The following CD163L1 variants were observed in gnomAD, a reference collection of about 807,000 sequenced individuals.
CD163L1 encodes scavenger receptor cysteine-rich type 1 protein M160.
A neutral mutation model predicts 165.4 loss-of-function variants in CD163L1; 124 were observed. That is an observed-to-expected ratio of 0.75 (90% CI 0.65 to 0.87). CD163L1 has a LOEUF of 0.87. CD163L1 is among the 40% of genes least tolerant of loss of function. CD163L1 has a pLI of 0.00. For missense variants in CD163L1, 1,525 were observed against 1,799.9 expected (o/e 0.85, Z 2.76); for synonymous variants, 585 against 662.2 (o/e 0.88, Z 1.79).
intron 6 of CD163L1, among the ~76,000 whole-genome samples, chr12:7,399,195 T>A (rs1947849478): frequency 6.6e-6 from 1 of 151,318 alleles, no homozygotes; most frequent in Non-Finnish European, 1.5e-5. Flanking sequence ...TTCTTTTCCT[T>A]TTCTTCTTTC....
intron 18 of CD163L1, among the ~76,000 whole-genome samples, chr12:7,358,730 A>T (rs1946829205): frequency 6.6e-6 from 1 of 152,162 alleles, no homozygotes; most frequent in South Asian, 2.1e-4. Context: ...GACAAAAAAC[A>T]GAGTCTGAAG....
At chr12:7,322,600 T>C in the CD163L1 span, 1 of 1,543,846 alleles carries the variant, frequency 6.5e-7, no homozygotes, top group South Asian at 1.3e-5. Context: ...CCCAGGTTTT[T>C]CAACTGAGCC....
At chr12:7,412,953 A>G (rs1437086452) in intron 4 of CD163L1, among the ~76,000 whole-genome samples, 1 of 151,732 alleles carries the variant, frequency 6.6e-6, no homozygotes, top group East Asian at 1.9e-4. Context: ...AAAATTAGCC[A>G]GGCATGGTGG....
At chr12:7,342,258 A>G (rs1946642265), downstream of CD163L1, among the ~76,000 whole-genome samples, 1 of 152,208 alleles carries the variant, frequency 6.6e-6, no homozygotes, top group South Asian at 2.1e-4. Context: ...CAGCTGACCC[A>G]CCCAGGGTGG....
the CD163L1 span, chr12:7,320,785 G>C: frequency 6.2e-7 from 1 of 1,613,328 alleles, no homozygotes; most frequent in Non-Finnish European, 8.5e-7. Context: ...CCGGATGCTC[G>C]TGCAAAAAGA....
intron 2 of CD163L1, chr12:7,439,816 A>C (rs902188090): frequency 1.2e-6 from 2 of 1,613,682 alleles, no homozygotes; most frequent in Non-Finnish European, 1.7e-6. Context: ...CACCTCGAAC[A>C]CATCCTCTCC....
chr12:7,440,451 T>C (rs1275960377), intron 2 of CD163L1, among the ~76,000 whole-genome samples: 2 of 151,722 alleles, frequency 1.3e-5, no homozygotes, highest in Non-Finnish European at 2.9e-5. Flanking sequence ...GAATTCATCT[T>C]TTTATGGCTG....
At chr12:7,378,365 C>A (rs1418754136) in intron 9 of CD163L1, among the ~76,000 whole-genome samples, 1 of 151,934 alleles carries the variant, frequency 6.6e-6, no homozygotes, top group African/African-American at 2.4e-5. Context: ...ACACACACAC[C>A]CCACACTGCA....
chr12:7,392,117 A>G (rs992072983), intron 8 of CD163L1, among the ~76,000 whole-genome samples: 24 of 152,122 alleles, frequency 1.6e-4, no homozygotes, highest in Non-Finnish European at 5.9e-5. Flanking sequence ...TCAACAGAAT[A>G]TATATTCTTC....
At chr12:7,392,791 AC>A (rs1486697595) in intron 8 of CD163L1, among the ~76,000 whole-genome samples, 5 of 152,148 alleles carry the variant, frequency 3.3e-5, no homozygotes, top group African/African-American at 1.2e-4. Flanking sequence ...CACTATAAAC[AC>A]CTCTACGCAA....
chr12:7,393,213 G>A (rs1947695988), intron 8 of CD163L1, among the ~76,000 whole-genome samples: 2 of 152,130 alleles, frequency 1.3e-5, no homozygotes, highest in African/African-American at 4.8e-5. Flanking sequence ...ACATCAAAAA[G>A]CCTATCCACC....
At chr12:7,427,008 C>T (rs1220419505) in intron 4 of CD163L1, among the ~76,000 whole-genome samples, 1 of 151,750 alleles carries the variant, frequency 6.6e-6, no homozygotes, top group Non-Finnish European at 1.5e-5. Context: ...GAGGATATAA[C>T]AAGAAAAAAT....
rs988629663 is a variant in CD163L1, at chr12:7,372,828, A to G, written c.3730+492T>C. ...TATTTATAATTGTACAATTTCTAAA[A>G]TCTCTACAATAAACATATTAAATTT... On this transcript the variant is annotated intron_variant, in intron 14 of 19. Transcript: ENST00000313599. The surrounding 1 kb of genome is among the most constrained non-coding windows in gnomAD (Gnocchi z 4.2). Among the ~76,000 whole-genome samples the G allele has an allele frequency of 6.6e-6, 1 of 152,048 alleles. No homozygotes were observed. Among genetic ancestry groups the G allele is most frequent in the African/African-American group, 2.4e-5 (1 of 41,418 alleles).
At chr12:7,351,304 A>G (rs762907047), downstream of CD163L1, among the ~76,000 whole-genome samples, 19 of 152,146 alleles carry the variant, frequency 1.2e-4, no homozygotes, top group Non-Finnish European at 2.4e-4. Context: ...CATCCATAAC[A>G]AAATACCACA....
chr12:7,387,218 T>C (rs1202120504), intron 8 of CD163L1, among the ~76,000 whole-genome samples: 1 of 152,058 alleles, frequency 6.6e-6, no homozygotes, highest in Non-Finnish European at 1.5e-5. Flanking sequence ...GCAATCTCAT[T>C]TGCAAGAGCC....
chr12:7,322,622 C>T, the CD163L1 span: 1 of 1,489,866 alleles, frequency 6.7e-7, no homozygotes, highest in Non-Finnish European at 9.0e-7. Context: ...CTGAAGTGCC[C>T]CCATCCCACT....
intron 4 of CD163L1, among the ~76,000 whole-genome samples, chr12:7,418,718 TACAA>T (rs1160536991): frequency 4.0e-5 from 6 of 151,480 alleles, no homozygotes; most frequent in Non-Finnish European, 7.4e-5. Flanking sequence ...ATCACAGAAA[TACAA>T]ACAATCATTC....
At chr12:7,349,598 A>G (rs1453142790) in intron 4 of CD163L1, among the ~76,000 whole-genome samples, 1 of 152,216 alleles carries the variant, frequency 6.6e-6, no homozygotes, top group African/African-American at 2.4e-5. Flanking sequence ...TAAGGGTCAT[A>G]TCCTACAATT....
intron 4 of CD163L1, among the ~76,000 whole-genome samples, chr12:7,422,135 T>C (rs1948452119): frequency 1.3e-5 from 2 of 152,040 alleles, no homozygotes; most frequent in East Asian, 1.9e-4. Flanking sequence ...CCGCTGGTGA[T>C]AACTAGGCAA....
Sources: allele counts gnomAD v4.1 joint callset (sites outside exome capture counted in the v4.1 genomes callset), GRCh38; gene constraint gnomAD v4.1.1; non-coding constraint Gnocchi (gnomAD v3.1); transcripts MANE v1.5; gene names NCBI Gene and HGNC (gene_info 2026-07-23, HGNC 2026-07-21).